The following INPP5A variants were observed in gnomAD, a reference collection of about 807,000 sequenced individuals.
INPP5A encodes the protein inositol polyphosphate-5-phosphatase A.
In INPP5A, 14 loss-of-function variants were observed where a neutral mutation model predicts 65.2. The ratio of observed to expected loss-of-function variants is 0.21; its 90% confidence interval spans 0.14 to 0.34. The LOEUF is 0.34. INPP5A is among the 10% of genes least tolerant of loss of function. The probability of loss-of-function intolerance (pLI) is 1.00; values close to 1 mark genes in which losing one functional copy is unlikely to be tolerated. For missense variants in INPP5A, 431 were observed against 545.6 expected, an observed-to-expected ratio of 0.79 and a Z score of 2.09; for synonymous variants, 207 against 208.3, an observed-to-expected ratio of 0.99 and a Z score of 0.05.
intron 9 of INPP5A, among the ~76,000 whole-genome samples, chr10:132,743,863 GCTGGGGCCACAT>G (rs1287298300): frequency 6.6e-6 from 1 of 152,228 alleles, no homozygotes; most frequent in African/African-American, 2.4e-5. Context: ...AGACAGGCAG[GCTGGGGCCACAT>G]CTGAGCCTCC....
rs140875168 is a variant in INPP5A, at chr10:132,550,216, A to G, written c.75+12045A>G. ...GAGAGCAGAGAGAGCTTAGGAGACC[A>G]CATTGCCACTGTTTAGGGTCAGAGT... On this transcript the variant is annotated intron_variant, in intron 1 of 15. Coordinates refer to ENST00000368594, the MANE Select transcript of INPP5A (RefSeq NM_005539.5). This position sits in a 1 kb window ranked among gnomAD's most constrained non-coding sequence, Gnocchi z 4.2. Among the ~76,000 whole-genome samples the G allele has an allele frequency of 3.3e-5, 5 of 152,310 alleles. No homozygotes were observed. Among genetic ancestry groups the G allele is most frequent in the Admixed American group, 6.5e-5 (1 of 15,298 alleles).
intron 1 of INPP5A, among the ~76,000 whole-genome samples, chr10:132,552,321 A>G (rs1468605283): frequency 6.8e-6 from 1 of 146,772 alleles, no homozygotes. Flanking sequence ...CCTTGGTGGC[A>G]TATTGAGTGG....
Position 132,707,746 on chromosome 10 carries a change from G to A in INPP5A, c.475-567G>A, listed in dbSNP as rs140315039. ...TTTTAGACCAGAGCTCAGGCTCTACGTTCGGTGGCTCTGCTAGGTGGTGGG... is the reference window on the plus strand; with the variant it reads ...TTTTAGACCAGAGCTCAGGCTCTACATTCGGTGGCTCTGCTAGGTGGTGGG... On this transcript the variant is annotated intron_variant, in intron 6 of 15. Transcript: ENST00000368594. This position sits in a 1 kb window ranked among gnomAD's most constrained non-coding sequence, Gnocchi z 5.5. 1.3e-3 allele frequency among the ~76,000 whole-genome samples: 199 copies of A among 152,318 alleles called. 2 individuals carry two copies. The highest frequency in any genetic ancestry group is 4.3e-3 in the African/African-American group (178 of 41,562).
At chr10:132,648,562 G>A (rs950981560) in intron 3 of INPP5A, among the ~76,000 whole-genome samples, 1 of 152,182 alleles carries the variant, frequency 6.6e-6, no homozygotes, top group African/African-American at 2.4e-5. Context: ...TTTAGCACAA[G>A]TCAGCTGCTC....
chr10:132,667,832 C>T (rs969363434), intron 4 of INPP5A, among the ~76,000 whole-genome samples: 7 of 152,018 alleles, frequency 4.6e-5, no homozygotes, highest in African/African-American at 7.2e-5. Flanking sequence ...AATGAACTGG[C>T]GGCATGCGGG....
rs538327135 is a variant in INPP5A at position 132,704,521 on chromosome 10, C to T, written c.475-3792C>T. Among the ~76,000 whole-genome samples, 87 of 152,344 alleles carry T rather than the reference C, an allele frequency of 5.7e-4. No homozygotes were observed. Among genetic ancestry groups the T allele is most frequent in the Non-Finnish European group, 1.0e-3 (68 of 68,032 alleles). ...GTGCGCAGAGCCACCCCTCGCAGCC[C>T]GCCGGCAACATGGGCTCTGTCCTCC... is the stretch of plus-strand genomic sequence containing the variant. On this transcript the variant is annotated intron_variant, in intron 6 of 15. Coordinates refer to ENST00000368594, the MANE Select transcript of INPP5A (RefSeq NM_005539.5). This position sits in a 1 kb window ranked among gnomAD's most constrained non-coding sequence, Gnocchi z 4.5.
At chr10:132,734,134 G>T (rs551281510) in intron 9 of INPP5A, among the ~76,000 whole-genome samples, 1 of 152,230 alleles carries the variant, frequency 6.6e-6, no homozygotes, top group South Asian at 2.1e-4. Flanking sequence ...TGCCATGCCC[G>T]TGCAGCCTCC....
intron 11 of INPP5A, among the ~76,000 whole-genome samples, chr10:132,755,735 C>A (rs979307565): frequency 2.6e-5 from 4 of 151,948 alleles, no homozygotes; most frequent in African/African-American, 9.7e-5. Flanking sequence ...CAGACCCTAG[C>A]GGCAGCCGCT....
chr10:132,725,452 C>T (rs1845969534), intron 8 of INPP5A, among the ~76,000 whole-genome samples: 1 of 152,218 alleles, frequency 6.6e-6, no homozygotes, highest in South Asian at 2.1e-4. Flanking sequence ...CGGGGCAACG[C>T]AGAACAAGAC....
rs912799315 is a variant in INPP5A, at chr10:132,634,464, A to T, written c.118-11404A>T. The stretch of plus-strand genomic sequence containing the variant: ...TGGTGAGTGTGCCACGGAGAGGAGT[A>T]TGCATTCTGTGTTCTGCAGGTGTCA... On this transcript the variant is annotated intron_variant, in intron 2 of 15. Transcript: ENST00000368594. 5.3e-5 allele frequency among the ~76,000 whole-genome samples: 8 copies of T among 151,208 alleles called. No individual in the cohort carries two copies. The East Asian group carries it at 1.5e-3, about 29-fold the overall frequency.
At position 132,663,124 on chromosome 10, in the gene INPP5A, C is replaced by T. The variant is rs2072757394; in HGVS notation, c.306+12619C>T. On this transcript the variant is annotated intron_variant, in intron 4 of 15. Coordinates refer to ENST00000368594, the MANE Select transcript of INPP5A (RefSeq NM_005539.5). The surrounding 1 kb of genome is among the most constrained non-coding windows in gnomAD (Gnocchi z 4.5). ...TGTGTGTCTCACAACTCAGGCAACT[C>T]GGCACGCCGCAGGACATAACGGCAG... Among the ~76,000 whole-genome samples, 1 of 152,226 alleles carries T rather than the reference C, an allele frequency of 6.6e-6. No individual in the cohort carries two copies.
rs2072468080 is a variant in INPP5A at position 132,644,544 on chromosome 10, A to G, written c.118-1324A>G. Among the ~76,000 whole-genome samples, 1 of 152,202 alleles carries G rather than the reference A, an allele frequency of 6.6e-6. No individual in the cohort carries two copies. The highest frequency in any genetic ancestry group is 1.5e-5 in the Non-Finnish European group (1 of 68,014). The stretch of plus-strand genomic sequence containing the variant: ...GGCTCCTGGGAGGTGGGCCATGCCC[A>G]CAGCTCCACCTGGCTCACAGTGAGT... On this transcript the variant is annotated intron_variant, in intron 2 of 15. Coordinates refer to ENST00000368594, the MANE Select transcript of INPP5A (RefSeq NM_005539.5). The surrounding 1 kb of genome is among the most constrained non-coding windows in gnomAD (Gnocchi z 6.5).
rs1201367743 is a variant in INPP5A, at chr10:132,575,278, C to T, written c.76-32637C>T. Among the ~76,000 whole-genome samples the T allele has an allele frequency of 6.6e-6, 1 of 152,170 alleles. No homozygotes were observed. Among genetic ancestry groups the T allele is most frequent in the Non-Finnish European group, 1.5e-5 (1 of 68,018 alleles). On this transcript the variant is annotated intron_variant, in intron 1 of 15. Coordinates refer to ENST00000368594, the MANE Select transcript of INPP5A (RefSeq NM_005539.5). This position sits in a 1 kb window ranked among gnomAD's most constrained non-coding sequence, Gnocchi z 5.4. ...GCCTGCTTTTGGCATTTGGACGACA[C>T]CTGGTTTCTGCCTGAGGGAGGGATT... is the stretch of plus-strand genomic sequence containing the variant.
chr10:132,650,667 C>A lies in INPP5A; in HGVS notation c.306+162C>A, dbSNP rs567011889. 6.6e-6 allele frequency among the ~76,000 whole-genome samples: 1 copy of A among 152,282 alleles called. No individual in the cohort carries two copies. Among genetic ancestry groups the A allele is most frequent in the African/African-American group, 2.4e-5 (1 of 41,562 alleles). Reference sequence around the variant, plus strand: ...CCCGCAGCCTGCTTGGTGGTCTGCTCGTGGTCTGAGCCCATGGCTGGCCTG... The same window carrying A: ...CCCGCAGCCTGCTTGGTGGTCTGCTAGTGGTCTGAGCCCATGGCTGGCCTG... On this transcript the variant is annotated intron_variant, in intron 4 of 15. Coordinates refer to ENST00000368594, the MANE Select transcript of INPP5A (RefSeq NM_005539.5). The surrounding 1 kb of genome is among the most constrained non-coding windows in gnomAD (Gnocchi z 5.5).
At chr10:132,696,719 A>C (rs114347997) in intron 5 of INPP5A, among the ~76,000 whole-genome samples, 1 of 152,178 alleles carries the variant, frequency 6.6e-6, no homozygotes, top group South Asian at 2.1e-4. Flanking sequence ...TCGCTGAAAC[A>C]TCTCATGCTG....
chr10:132,604,190 G>A (rs2071811966), intron 1 of INPP5A, among the ~76,000 whole-genome samples: 1 of 141,500 alleles, frequency 7.1e-6, no homozygotes, highest in Non-Finnish European at 1.5e-5. Flanking sequence ...TCCCCTCTCT[G>A]GCGTACCCTG....
rs529080974 is a variant in INPP5A, at chr10:132,604,090, C to T, written c.76-3825C>T. Among the ~76,000 whole-genome samples the T allele has an allele frequency of 3.5e-3, 482 of 136,530 alleles. 2 individuals carry two copies. Among genetic ancestry groups the T allele is most frequent in the Non-Finnish European group, 5.5e-3 (349 of 63,094 alleles). 89.6% of individuals were successfully genotyped at this position (136,530 alleles called of 152,430 possible). A position where few individuals can be genotyped will look rare whatever the true frequency, so the allele number is the denominator to read the frequency against. On this transcript the variant is annotated intron_variant, in intron 1 of 15. Coordinates refer to ENST00000368594, the MANE Select transcript of INPP5A (RefSeq NM_005539.5). ...TGCCGTCAGGGTCCCCTCTCTGTCC[C>T]GCCCTGTGCTGTCAGGGTCCCCTCT...
At chr10:132,656,223 G>A (rs997581810) in intron 4 of INPP5A, among the ~76,000 whole-genome samples, 2 of 152,208 alleles carry the variant, frequency 1.3e-5, no homozygotes, top group African/African-American at 4.8e-5. Flanking sequence ...CCACCTGGAG[G>A]AACTCCTAGA....
At chr10:132,700,390 C>T (rs1430531251) in intron 6 of INPP5A, among the ~76,000 whole-genome samples, 1 of 152,198 alleles carries the variant, frequency 6.6e-6, no homozygotes, top group African/African-American at 2.4e-5. Context: ...AGCCCTGCCA[C>T]GTCATCGTCT....
Sources: allele counts gnomAD v4.1 joint callset (sites outside exome capture counted in the v4.1 genomes callset), GRCh38; gene constraint gnomAD v4.1.1; non-coding constraint Gnocchi (gnomAD v3.1); transcripts MANE v1.5; gene names NCBI Gene and HGNC (gene_info 2026-07-23, HGNC 2026-07-21).